FSTL5: variants seen among roughly 807,000 people sequenced by gnomAD.
FSTL5 encodes the protein follistatin like 5.
In FSTL5, 62 loss-of-function variants were observed where a neutral mutation model predicts 89.1. That is an observed-to-expected ratio of 0.70 (90% CI 0.57 to 0.86). The LOEUF is 0.86. Among genes scored for constraint, FSTL5 ranks in the 40% least tolerant of loss-of-function variants. The pLI is 0.00. For missense variants in FSTL5, 1,057 were observed against 1,001.6 expected (o/e 1.06, Z -0.75); for synonymous variants, 383 against 346.2 (o/e 1.11, Z -1.18).
intron 4 of FSTL5, among the ~76,000 whole-genome samples, chr4:161,809,003 G>C (rs891106571): frequency 6.6e-6 from 1 of 152,164 alleles, no homozygotes; most frequent in Non-Finnish European, 1.5e-5. Context: ...CAGATCACGA[G>C]GTCAGAAGAT....
chr4:161,728,375 C>T (rs1739493247), intron 6 of FSTL5, among the ~76,000 whole-genome samples: 1 of 152,062 alleles, frequency 6.6e-6, no homozygotes, highest in Admixed American at 6.6e-5. Flanking sequence ...CAGAATTTTA[C>T]TGTTGATAAC....
chr4:161,598,424 A>G (rs1352152978), intron 7 of FSTL5, among the ~76,000 whole-genome samples: 1 of 152,030 alleles, frequency 6.6e-6, no homozygotes, highest in Non-Finnish European at 1.5e-5. Context: ...TTTTTGAGGA[A>G]ATCAAAAGTT....
intron 4 of FSTL5, among the ~76,000 whole-genome samples, chr4:161,865,115 C>A (rs1056460459): frequency 2.0e-5 from 3 of 151,852 alleles, no homozygotes; most frequent in African/African-American, 7.3e-5. Flanking sequence ...AAAACAGGGC[C>A]AGTTTTTATT....
intron 1 of FSTL5, among the ~76,000 whole-genome samples, chr4:162,134,512 C>G (rs1172760208): frequency 7.0e-6 from 1 of 142,104 alleles, no homozygotes; most frequent in Admixed American, 6.9e-5. Flanking sequence ...TGAAATATAC[C>G]TGGAAAACAA....
At chr4:161,693,449 T>G (rs1738022576) in intron 6 of FSTL5, among the ~76,000 whole-genome samples, 1 of 152,054 alleles carries the variant, frequency 6.6e-6, no homozygotes, top group Non-Finnish European at 1.5e-5. Context: ...AAGCATCTGG[T>G]GTTGGCATTT....
intron 12 of FSTL5, among the ~76,000 whole-genome samples, chr4:161,484,866 G>T (rs1421144577): frequency 2.0e-5 from 3 of 152,108 alleles, no homozygotes; most frequent in African/African-American, 4.8e-5. Context: ...TGTCATAAAA[G>T]GTTCTTTCAT....
intron 6 of FSTL5, among the ~76,000 whole-genome samples, chr4:161,745,823 A>G (rs533694079): frequency 6.6e-6 from 1 of 152,218 alleles, no homozygotes; most frequent in East Asian, 1.9e-4. Context: ...CTTACAAAAT[A>G]TGATTATAAT....
intron 15 of FSTL5, among the ~76,000 whole-genome samples, chr4:161,411,967 T>TTA (rs1400767071): frequency 5.3e-5 from 8 of 152,330 alleles, no homozygotes; most frequent in African/African-American, 1.9e-4. Flanking sequence ...AAAAGGCTCC[T>TTA]AGAATTGATA....
At chr4:162,113,587 G>T (rs2111413401) in intron 1 of FSTL5, among the ~76,000 whole-genome samples, 1 of 152,268 alleles carries the variant, frequency 6.6e-6, no homozygotes, top group Non-Finnish European at 1.5e-5. Context: ...TAGCTGACAA[G>T]TTCCCAGTGT....
chr4:161,438,989 G>A lies in FSTL5; in HGVS notation c.1841+16015C>T, dbSNP rs76850038. On this transcript the variant is annotated intron_variant, in intron 15 of 15. Transcript: ENST00000306100. Reference sequence around the variant, plus strand: ...TTTTTTTTTTAACACATTGACAACTGTAAGGGACAATCTTAGATGATACTG... The same window carrying A: ...TTTTTTTTTTAACACATTGACAACTATAAGGGACAATCTTAGATGATACTG... 8.4e-3 allele frequency among the ~76,000 whole-genome samples: 1,277 copies of A among 151,154 alleles called. 9 individuals are homozygous for A. The highest frequency in any genetic ancestry group is 0.012 in the Non-Finnish European group (848 of 67,844).
At chr4:161,904,071 A>C (rs2066862577) in intron 4 of FSTL5, among the ~76,000 whole-genome samples, 2 of 152,052 alleles carry the variant, frequency 1.3e-5, no homozygotes, top group South Asian at 4.1e-4. Context: ...GGAGGAAAAT[A>C]TTTTATTTAT....
chr4:161,894,915 T>C (rs1307594373), intron 4 of FSTL5, among the ~76,000 whole-genome samples: 1 of 152,236 alleles, frequency 6.6e-6, no homozygotes, highest in Non-Finnish European at 1.5e-5. Context: ...CTCAGCTATA[T>C]CATACTTGTC....
chr4:161,402,777 T>G (rs188618812), intron 15 of FSTL5, among the ~76,000 whole-genome samples: 11 of 152,274 alleles, frequency 7.2e-5, no homozygotes, highest in African/African-American at 2.6e-4. Flanking sequence ...TGAACCCCAT[T>G]TGTTTTTCTG....
chr4:161,975,269 C>T (rs940539741), intron 3 of FSTL5, among the ~76,000 whole-genome samples: 2 of 148,620 alleles, frequency 1.3e-5, no homozygotes, highest in African/African-American at 2.5e-5. Context: ...ACCCAAAGGA[C>T]TATAAATCAT....
intron 4 of FSTL5, among the ~76,000 whole-genome samples, chr4:161,885,629 AG>A (rs1027046752): frequency 6.6e-6 from 1 of 151,978 alleles, no homozygotes; most frequent in African/African-American, 2.4e-5. Context: ...GTATTATTTT[AG>A]TAGAGACAGG....
intron 1 of FSTL5, among the ~76,000 whole-genome samples, chr4:162,130,460 C>T (rs979215554): frequency 2.0e-5 from 3 of 152,122 alleles, no homozygotes; most frequent in African/African-American, 7.2e-5. Context: ...AGCTTATTAT[C>T]CTTACAACTA....
chr4:161,467,751 C>T (rs1287474140), intron 13 of FSTL5, among the ~76,000 whole-genome samples: 1 of 152,078 alleles, frequency 6.6e-6, no homozygotes, highest in Non-Finnish European at 1.5e-5. Context: ...TTTCACCCAG[C>T]AGGTAAGAGA....
intron 7 of FSTL5, among the ~76,000 whole-genome samples, chr4:161,613,885 C>T (rs370007637): frequency 6.6e-6 from 1 of 152,110 alleles, no homozygotes; most frequent in African/African-American, 2.4e-5. Context: ...ACAAACTATG[C>T]AACATGAATT....
At chr4:161,446,528 C>A (rs1307699546) in intron 15 of FSTL5, among the ~76,000 whole-genome samples, 1 of 151,818 alleles carries the variant, frequency 6.6e-6, no homozygotes, top group Non-Finnish European at 1.5e-5. Flanking sequence ...ATAATGTGCC[C>A]TTTTCCTTTG....
Sources: allele counts gnomAD v4.1 joint callset (sites outside exome capture counted in the v4.1 genomes callset), GRCh38; gene constraint gnomAD v4.1.1; transcripts MANE v1.5; gene names NCBI Gene and HGNC (gene_info 2026-07-23, HGNC 2026-07-21).